VPS41: variants seen among roughly 807,000 people sequenced by gnomAD.
VPS41 encodes VPS41 subunit of HOPS complex, also known as vacuolar protein sorting-associated protein 41 homolog.
VPS41 carries 85 observed loss-of-function variants against 130.9 expected under a neutral mutation model. The observed-to-expected ratio is 0.65, with a 90% CI of 0.55 to 0.78. VPS41 has a LOEUF of 0.78. Among genes scored for constraint, VPS41 ranks in the 30% least tolerant of loss-of-function variants. The pLI is 0.00. For missense variants in VPS41, 874 were observed against 1,018.7 expected, an observed-to-expected ratio of 0.86 and a Z score of 1.93; for synonymous variants, 335 against 332.9, an observed-to-expected ratio of 1.01 and a Z score of -0.07.
At chr7:38,752,382 T>A (rs1255585270) in intron 21 of VPS41, 69 bp from the exon 22 acceptor site, 1 of 1,586,360 alleles carries the variant, frequency 6.3e-7, no homozygotes, top group Non-Finnish European at 8.6e-7. Flanking sequence ...AACATTGCTA[T>A]TTTTAGCTCT....
At chr7:38,727,549 A>G (rs1024091180) in intron 27 of VPS41, among the ~76,000 whole-genome samples, 12 of 152,216 alleles carry the variant, frequency 7.9e-5, no homozygotes, top group African/African-American at 2.9e-4. Context: ...ATCTAACTGT[A>G]GAGTGGGAAT....
intron 4 of VPS41, among the ~76,000 whole-genome samples, chr7:38,834,160 A>T (rs1233562206): frequency 6.6e-6 from 1 of 152,126 alleles, no homozygotes; most frequent in South Asian, 2.1e-4. Context: ...TCAGTCTCTT[A>T]AAGAATATCT....
chr7:38,870,502 C>G (rs1024163614), intron 2 of VPS41, among the ~76,000 whole-genome samples: 1 of 151,696 alleles, frequency 6.6e-6, no homozygotes, highest in Non-Finnish European at 1.5e-5. Flanking sequence ...GGTATATAAC[C>G]CCCAACATAA....
At chr7:38,841,558 C>T (rs1785608224) in intron 4 of VPS41, among the ~76,000 whole-genome samples, 1 of 152,186 alleles carries the variant, frequency 6.6e-6, no homozygotes, top group South Asian at 2.1e-4. Context: ...ACTCCACTGG[C>T]TTCCATTACA....
Position 38,795,591 on chromosome 7 carries a change from G to C in VPS41, c.591C>G (p.Ile197Met), listed in dbSNP as rs181550744. 1.9e-6 allele frequency: 3 copies of C among 1,611,342 alleles called. No individual in the cohort carries two copies. Among genetic ancestry groups the C allele is most frequent in the Non-Finnish European group, 2.5e-6 (3 of 1,178,510 alleles). The change falls in exon 9 of 29, where the codon ATC (isoleucine) becomes ATG (methionine). Residue 197 changes from isoleucine to methionine, a missense_variant. Ile to Met is a conservative substitution (Grantham distance 10, BLOSUM62 1). Coordinates refer to ENST00000310301, the MANE Select transcript of VPS41 (RefSeq NM_014396.4). The stretch of plus-strand genomic sequence containing the variant: ...CATTGGTGATTCTTTGCTTTGAGAT[G>C]ATGTCAAAAATCTTCACACCCTGGA... ...ANNMGVKIFDIISKQRITNVP... is the reference protein window; with the variant it reads ...ANNMGVKIFDMISKQRITNVP...
intron 4 of VPS41, among the ~76,000 whole-genome samples, chr7:38,852,504 C>G (rs901177184): frequency 6.6e-6 from 1 of 152,192 alleles, no homozygotes; most frequent in African/African-American, 2.4e-5. Flanking sequence ...AAACCAACCT[C>G]TTGTGTGGGT....
intron 4 of VPS41, among the ~76,000 whole-genome samples, chr7:38,861,809 A>C (rs1195545664): frequency 6.6e-6 from 1 of 152,110 alleles, no homozygotes; most frequent in Admixed American, 6.6e-5. Context: ...TTCACACCAA[A>C]ATCAAGCTTC....
intron 24 of VPS41, among the ~76,000 whole-genome samples, chr7:38,742,446 T>C (rs1332408340): frequency 4.6e-5 from 7 of 152,162 alleles, no homozygotes; most frequent in Non-Finnish European, 7.4e-5. Flanking sequence ...CAACTGACTA[T>C]GGCTCAGGTA....
chr7:38,763,062 T>A (rs1295059672), intron 17 of VPS41, among the ~76,000 whole-genome samples: 1 of 152,162 alleles, frequency 6.6e-6, no homozygotes, highest in African/African-American at 2.4e-5. Context: ...ATAGGAAAAT[T>A]ATAACATACT....
At chr7:38,848,206 A>C (rs1346994002) in intron 4 of VPS41, among the ~76,000 whole-genome samples, 1 of 152,208 alleles carries the variant, frequency 6.6e-6, no homozygotes, top group Non-Finnish European at 1.5e-5. Context: ...TCTGAAGTCA[A>C]CTCACTAGAC....
chr7:38,809,447 A>G (rs1784901009), intron 7 of VPS41, among the ~76,000 whole-genome samples: 1 of 151,224 alleles, frequency 6.6e-6, no homozygotes, highest in Non-Finnish European at 1.5e-5. Context: ...CAAAAGAAAT[A>G]AAATTTAAAA....
At chr7:38,875,567 G>A (rs1248959949) in intron 2 of VPS41, among the ~76,000 whole-genome samples, 2 of 152,100 alleles carry the variant, frequency 1.3e-5, no homozygotes, top group Non-Finnish European at 2.9e-5. Flanking sequence ...AGGAAAGATG[G>A]CTTTATAGAT....
Position 38,726,225 on chromosome 7 carries a change from A to C in VPS41, c.*21T>G. On this transcript the variant is annotated 3_prime_UTR_variant, in exon 29 of 29. Coordinates refer to ENST00000310301, the MANE Select transcript of VPS41 (RefSeq NM_014396.4). ...AGTCTCAAAAAGAGTGGTGACAAGGAGACTGACAAGGAGAAATGAGCTATT... is the reference window on the plus strand; with the variant it reads ...AGTCTCAAAAAGAGTGGTGACAAGGCGACTGACAAGGAGAAATGAGCTATT... The C allele has an allele frequency of 6.4e-7, 1 of 1,572,048 alleles. No individual in the cohort carries two copies. The highest frequency in any genetic ancestry group is 8.8e-7 in the Non-Finnish European group (1 of 1,141,754).
intron 19 of VPS41, among the ~76,000 whole-genome samples, chr7:38,756,068 C>A (rs1783786194): frequency 6.6e-6 from 1 of 152,124 alleles, no homozygotes; most frequent in African/African-American, 2.4e-5. Context: ...AAATACAGTA[C>A]AATATAATTG....
chr7:38,907,619 C>T (rs1293868459), intron 1 of VPS41, among the ~76,000 whole-genome samples: 1 of 152,086 alleles, frequency 6.6e-6, no homozygotes, highest in Non-Finnish European at 1.5e-5. Context: ...ATTATTATAT[C>T]CCTAATTTTG....
At chr7:38,768,731 C>G (rs1283086014) in intron 14 of VPS41, among the ~76,000 whole-genome samples, 1 of 152,170 alleles carries the variant, frequency 6.6e-6, no homozygotes, top group Non-Finnish European at 1.5e-5. Flanking sequence ...GTCTCCTTTT[C>G]AGAGTCAATC....
intron 19 of VPS41, among the ~76,000 whole-genome samples, chr7:38,756,421 G>T (rs1335034862): frequency 2.0e-5 from 3 of 152,106 alleles, no homozygotes; most frequent in African/African-American, 7.2e-5. Flanking sequence ...CTGGATACGT[G>T]AACACCAAGA....
chr7:38,874,804 A>T (rs1786452390), intron 2 of VPS41, among the ~76,000 whole-genome samples: 1 of 152,174 alleles, frequency 6.6e-6, no homozygotes. Context: ...CCTCTAGAAC[A>T]TTCTTTCTAG....
chr7:38,778,501 A>T (rs1784300282), intron 10 of VPS41, among the ~76,000 whole-genome samples: 1 of 152,212 alleles, frequency 6.6e-6, no homozygotes. Flanking sequence ...AAGAGATGGC[A>T]GTTTCACATT....
Sources: allele counts gnomAD v4.1 joint callset (sites outside exome capture counted in the v4.1 genomes callset), GRCh38; gene constraint gnomAD v4.1.1; transcripts MANE v1.5; gene names NCBI Gene and HGNC (gene_info 2026-07-23, HGNC 2026-07-21).